The following CHRM2 variants were observed in gnomAD, a reference collection of about 807,000 sequenced individuals.
CHRM2 encodes the protein muscarinic acetylcholine receptor M2.
A neutral mutation model predicts 25.0 loss-of-function variants in CHRM2; 8 were observed. That is an observed-to-expected ratio of 0.32 (90% CI 0.19 to 0.58). The LOEUF is 0.58. Among genes scored for constraint, CHRM2 ranks in the 20% least tolerant of loss-of-function variants. The pLI is 0.88. For missense variants in CHRM2, 440 were observed against 567.1 expected, an observed-to-expected ratio of 0.78 and a Z score of 2.28; for synonymous variants, 202 against 205.7, an observed-to-expected ratio of 0.98 and a Z score of 0.15.
chr7:137,013,745 T>G (rs1167528408), intron 3 of CHRM2, among the ~76,000 whole-genome samples: 1 of 152,020 alleles, frequency 6.6e-6, no homozygotes, highest in Non-Finnish European at 1.5e-5. Flanking sequence ...AGAAGTGCAT[T>G]CAGGTTTAAT....
intron 2 of CHRM2, among the ~76,000 whole-genome samples, chr7:136,920,229 G>T (rs1176914103): frequency 3.3e-5 from 5 of 151,978 alleles, no homozygotes; most frequent in Non-Finnish European, 5.9e-5. Flanking sequence ...GTCAACATAT[G>T]AACTCTGTGT....
At chr7:137,009,059 C>T (rs962772739) in intron 3 of CHRM2, among the ~76,000 whole-genome samples, 30 of 151,960 alleles carry the variant, frequency 2.0e-4, no homozygotes, top group Non-Finnish European at 1.5e-4. Flanking sequence ...TAAAATAACA[C>T]GCAAAAATCC....
At chr7:136,905,733 A>C (rs529851644) in intron 2 of CHRM2, among the ~76,000 whole-genome samples, 1 of 151,420 alleles carries the variant, frequency 6.6e-6, no homozygotes, top group South Asian at 2.1e-4. Flanking sequence ...TAATTCTCTC[A>C]TATTTTCTCT....
intron 2 of CHRM2, among the ~76,000 whole-genome samples, chr7:136,963,645 T>G (rs962929539): frequency 6.6e-6 from 1 of 152,188 alleles, no homozygotes; most frequent in Admixed American, 6.5e-5. Flanking sequence ...TCAGTTCATC[T>G]GCTCCCCTCT....
chr7:136,878,321 G>T (rs1796128151), intron 2 of CHRM2, among the ~76,000 whole-genome samples: 1 of 151,920 alleles, frequency 6.6e-6, no homozygotes, highest in African/African-American at 2.4e-5. Flanking sequence ...AGGCAGTTAT[G>T]TCTTCGCATG....
At chr7:137,011,194 C>CGTGTGTGT (rs146093146) in intron 3 of CHRM2, among the ~76,000 whole-genome samples, 117 of 136,430 alleles carry the variant, frequency 8.6e-4, no homozygotes, top group African/African-American at 3.4e-3. Context: ...TATATGTGTA[C>CGTGTGTGT]GTGTGTGTGT....
chr7:136,996,519 C>T (rs543780393), intron 3 of CHRM2, among the ~76,000 whole-genome samples: 9 of 151,882 alleles, frequency 5.9e-5, no homozygotes, highest in African/African-American at 1.9e-4. Context: ...ATTTTGCTAC[C>T]CAAAATAGCA....
chr7:136,961,306 T>G (rs1184995007), intron 2 of CHRM2, among the ~76,000 whole-genome samples: 1 of 152,142 alleles, frequency 6.6e-6, no homozygotes, highest in Admixed American at 6.6e-5. Context: ...ATAATGTAAG[T>G]GTTCTGGGCA....
chr7:136,995,823 TCA>T (rs1346860687), intron 3 of CHRM2, among the ~76,000 whole-genome samples: 2 of 151,874 alleles, frequency 1.3e-5, no homozygotes, highest in Non-Finnish European at 2.9e-5. Context: ...ATAAAGGGAT[TCA>T]CAGATTATTC....
intron 3 of CHRM2, among the ~76,000 whole-genome samples, chr7:137,004,696 TCTCTGAC>T (rs1474979164): frequency 1.3e-5 from 2 of 152,184 alleles, no homozygotes; most frequent in Non-Finnish European, 2.9e-5. Context: ...CTCTTCATTC[TCTCTGAC>T]CAACTGGCTT....
intron 2 of CHRM2, among the ~76,000 whole-genome samples, chr7:136,904,338 G>A (rs1181525109): frequency 6.6e-6 from 1 of 151,666 alleles, no homozygotes; most frequent in East Asian, 1.9e-4. Flanking sequence ...TAAGTCACTT[G>A]CCTATTCACA....
chr7:136,952,208 T>C (rs996700089), intron 2 of CHRM2, among the ~76,000 whole-genome samples: 12 of 152,190 alleles, frequency 7.9e-5, no homozygotes, highest in Non-Finnish European at 2.9e-5. Flanking sequence ...GACAAATAAT[T>C]ATGCGTTTCT....
intron 2 of CHRM2, among the ~76,000 whole-genome samples, chr7:136,897,804 C>T (rs1028552079): frequency 6.6e-6 from 1 of 151,842 alleles, no homozygotes; most frequent in African/African-American, 2.4e-5. Flanking sequence ...ATCATTATTT[C>T]TTTTCATTTT....
intron 2 of CHRM2, among the ~76,000 whole-genome samples, chr7:136,912,271 T>C (rs1434583653): frequency 6.6e-6 from 1 of 152,000 alleles, no homozygotes; most frequent in African/African-American, 2.4e-5. Flanking sequence ...AATTTGACTT[T>C]TTTCAGCCTT....
At chr7:136,917,774 T>C (rs1584752928) in intron 2 of CHRM2, among the ~76,000 whole-genome samples, 1 of 152,194 alleles carries the variant, frequency 6.6e-6, no homozygotes. Context: ...TTGAGAACAT[T>C]TCTCTCTTCA....
chr7:136,930,748 T>C (rs1043887298), intron 2 of CHRM2, among the ~76,000 whole-genome samples: 30 of 151,556 alleles, frequency 2.0e-4, no homozygotes, highest in Non-Finnish European at 3.2e-4. Context: ...ATACAAAAAA[T>C]CAGCCAGTTG....
In CHRM2 at chr7:137,016,230, C is replaced by T. The variant is rs1159399936; in HGVS notation, c.1365C>T (p.Leu455=). The part of the protein sequence containing the change: ...ATFKKTFKHL[L]MCHYKNIGAT... The stretch of plus-strand genomic sequence containing the variant: ...TCAAGAAGACCTTTAAACACCTTCT[C>T]ATGTGTCATTATAAGAACATAGGCG... Residue 455 remains leucine, a synonymous_variant, in exon 4 of 4, where the codon CTC becomes CTT. Coordinates refer to ENST00000680005, the MANE Select transcript of CHRM2 (RefSeq NM_001006630.2). The T allele has an allele frequency of 5.0e-6, 8 of 1,612,896 alleles. No homozygotes were observed. The East Asian group carries it at 1.6e-4, about 32-fold the overall frequency.
chr7:136,924,160 G>A (rs1454036226), intron 2 of CHRM2, among the ~76,000 whole-genome samples: 3 of 152,020 alleles, frequency 2.0e-5, no homozygotes, highest in Non-Finnish European at 4.4e-5. Flanking sequence ...AACAACATGT[G>A]TGTGCAAATG....
intron 2 of CHRM2, among the ~76,000 whole-genome samples, chr7:136,915,402 A>G (rs1798052081): frequency 6.6e-6 from 1 of 151,956 alleles, no homozygotes; most frequent in Non-Finnish European, 1.5e-5. Context: ...TGAGACTATA[A>G]TGAATCATTG....
Sources: gnomAD v4.1 joint callset for allele counts (sites outside exome capture counted in the v4.1 genomes callset) on GRCh38, gnomAD v4.1.1 for gene constraint, MANE v1.5 for transcripts, NCBI Gene and HGNC (gene_info 2026-07-23, HGNC 2026-07-21) for gene names.